The following OTOGL variants were observed in gnomAD, a reference collection of about 807,000 sequenced individuals.
The protein encoded by OTOGL is otogelin-like protein.
OTOGL carries 285 observed loss-of-function variants against 318.5 expected under a neutral mutation model. That is an observed-to-expected ratio of 0.89 (90% CI 0.81 to 0.99). The LOEUF is 0.99. Among genes scored for constraint, OTOGL ranks in the 50% least tolerant of loss-of-function variants. OTOGL has a pLI of 0.00. For synonymous variants in OTOGL, 987 were observed against 936.5 expected (o/e 1.05, Z -0.99); for missense variants, 2,899 against 2,845.6 (o/e 1.02, Z -0.43).
rs1280421747 is a variant in OTOGL at position 80,307,858 on chromosome 12, G to A, written c.3333+2163G>A. Among the ~76,000 whole-genome samples the A allele has an allele frequency of 1.4e-4, 20 of 140,248 alleles. 1 individual carries two copies. The highest frequency in any genetic ancestry group is 5.1e-4 in the African/African-American group (17 of 33,650). The allele number at this position is 140,248 out of a possible 152,430, so 92.0% of individuals were successfully genotyped here. ...CACCTCCCGGACAGGGCGGCTGGCC[G>A]GGCGGGGGGCTGACCCCCCCACCTC... On this transcript the variant is annotated intron_variant, in intron 29 of 58. Coordinates refer to ENST00000547103, the MANE Select transcript of OTOGL (RefSeq NM_001378609.3).
intron 1 of OTOGL, among the ~76,000 whole-genome samples, chr12:80,110,067 CTTTTT>C (rs35589524): frequency 1.9e-5 from 2 of 103,758 alleles, no homozygotes; most frequent in Non-Finnish European, 1.9e-5. Flanking sequence ...TTCTTTCTTT[CTTTTT>C]TTTTTTTTTT....
chr12:80,258,454 T>A (rs1882253231), intron 18 of OTOGL, among the ~76,000 whole-genome samples: 1 of 152,160 alleles, frequency 6.6e-6, no homozygotes. Flanking sequence ...TATCATTTGG[T>A]ATTATTAATA....
chr12:80,324,895 T>C (rs1279740693), intron 35 of OTOGL, among the ~76,000 whole-genome samples: 4 of 152,204 alleles, frequency 2.6e-5, no homozygotes, highest in African/African-American at 4.8e-5. Flanking sequence ...ATAAGGAAGA[T>C]GTTAGAAGAA....
At chr12:80,370,776 G>C in intron 56 of OTOGL, 87 bp downstream of exon 56, 1 of 1,014,672 alleles carries the variant, frequency 9.9e-7, no homozygotes, top group Non-Finnish European at 1.4e-6. Flanking sequence ...TACTTTCATT[G>C]TGGCTTATAC....
chr12:80,228,722 CT>C (rs913180892), intron 7 of OTOGL, among the ~76,000 whole-genome samples: 16 of 150,812 alleles, frequency 1.1e-4, no homozygotes, highest in African/African-American at 2.2e-4. Flanking sequence ...TCCTTTCATT[CT>C]TTTTTTTTAA....
At chr12:80,275,711 G>T (rs1366784444) in intron 24 of OTOGL, among the ~76,000 whole-genome samples, 6 of 151,722 alleles carry the variant, frequency 4.0e-5, no homozygotes, top group Non-Finnish European at 5.9e-5. Context: ...CTTATTTCAA[G>T]AAATTGCCAC....
Position 80,342,160 on chromosome 12 carries a change from A to G in OTOGL, c.5263A>G (p.Lys1755Glu), listed in dbSNP as rs1159626188. Residue 1755 changes from lysine to glutamate, a missense_variant and splice_region_variant, in exon 44 of 59, where the codon AAA becomes GAA. By Grantham distance (56) the Lys-to-Glu change is moderately conservative. This residue lies in a region of OTOGL where 2,607 missense variants were observed against 2,524.9 expected (regional missense o/e 1.03). Coordinates refer to ENST00000547103, the MANE Select transcript of OTOGL (RefSeq NM_001378609.3). ...AAGAATTTTCATTCCATGTCATGAT[A>G]AAGTAAGTTGGAAGCAACCATAAAT... The part of the protein sequence containing the change: ...NRRIFIPCHD[K>E]VSPEDFCEKM... The G allele has an allele frequency of 3.8e-6, 6 of 1,563,162 alleles. No individual in the cohort carries two copies. Among genetic ancestry groups the G allele is most frequent in the Non-Finnish European group, 5.2e-6 (6 of 1,150,182 alleles).
chr12:80,174,077 A>T (rs545717247), intron 1 of OTOGL, among the ~76,000 whole-genome samples: 1 of 152,214 alleles, frequency 6.6e-6, no homozygotes, highest in Admixed American at 6.5e-5. Context: ...TCCCAAGTAA[A>T]CAAATTAGAA....
Position 80,377,906 on chromosome 12 carries a change from T to C in OTOGL, c.6920T>C (p.Ile2307Thr), listed in dbSNP as rs1457100230. ...TCAGCTACCATATATAACATCAATATTGAAAGTCACCTAAGATTCTGCAAG... is the reference window on the plus strand; with the variant it reads ...TCAGCTACCATATATAACATCAATACTGAAAGTCACCTAAGATTCTGCAAG... ...CPSATIYNIN[I>T]ESHLRFCKCC... Residue 2307 changes from isoleucine (I) to threonine (T), a missense_variant, in exon 59 of 59, where the codon ATT becomes ACT. Transcript: ENST00000547103. 1.2e-6 allele frequency: 2 copies of C among 1,611,494 alleles called. No individual in the cohort carries two copies. Among genetic ancestry groups the C allele is most frequent in the Non-Finnish European group, 1.7e-6 (2 of 1,178,534 alleles).
chr12:80,257,081 A>C (rs140834988), intron 17 of OTOGL, among the ~76,000 whole-genome samples: 76 of 152,236 alleles, frequency 5.0e-4, no homozygotes, highest in African/African-American at 1.7e-3. Flanking sequence ...GGTCCTGTTC[A>C]TGCCTGCATT....
intron 27 of OTOGL, among the ~76,000 whole-genome samples, chr12:80,297,236 T>A (rs1885465721): frequency 6.6e-6 from 1 of 152,136 alleles, no homozygotes; most frequent in Non-Finnish European, 1.5e-5. Context: ...ATTACTTCAG[T>A]GGCTTCCAGG....
intron 57 of OTOGL, among the ~76,000 whole-genome samples, chr12:80,373,183 C>A (rs1055822457): frequency 6.6e-6 from 1 of 152,078 alleles, no homozygotes; most frequent in Non-Finnish European, 1.5e-5. Context: ...GCTGTAATCA[C>A]AGCACTTTGG....
At chr12:80,137,056 A>T (rs1871622740) in intron 1 of OTOGL, among the ~76,000 whole-genome samples, 1 of 152,174 alleles carries the variant, frequency 6.6e-6, no homozygotes, top group African/African-American at 2.4e-5. Context: ...GATCGGTTTC[A>T]GAAACGAGAT....
intron 1 of OTOGL, among the ~76,000 whole-genome samples, chr12:80,147,656 G>A (rs1398661659): frequency 6.6e-6 from 1 of 152,040 alleles, no homozygotes; most frequent in African/African-American, 2.4e-5. Context: ...ACAGTGGGGT[G>A]TTAAAGTCTC....
At chr12:80,358,009 C>A (rs536570763) in intron 49 of OTOGL, among the ~76,000 whole-genome samples, 1 of 152,260 alleles carries the variant, frequency 6.6e-6, no homozygotes, top group Admixed American at 6.5e-5. Flanking sequence ...CCTAGGAAAT[C>A]TGAATGTTCT....
At position 80,187,565 on chromosome 12, in the gene OTOGL, C is replaced by G. The variant is rs187897217; in HGVS notation, c.-19-21848C>G. On this transcript the variant is annotated intron_variant, in intron 1 of 58. Transcript: ENST00000547103. Reference sequence around the variant, plus strand: ...TGTTAATTTTATAAAGTTATAACCACATCTTTATTACTAATCACATTGAAC... The same window carrying G: ...TGTTAATTTTATAAAGTTATAACCAGATCTTTATTACTAATCACATTGAAC... Among the ~76,000 whole-genome samples the G allele has an allele frequency of 3.1e-4, 47 of 152,288 alleles. 1 individual carries two copies. The highest frequency in any genetic ancestry group is 1.2e-3 in the Admixed American group (18 of 15,300).
rs766564988 is a variant in OTOGL at position 80,219,812 on chromosome 12, A to G, written c.236-2A>G. On this transcript the variant is annotated splice_acceptor_variant, in intron 5 of 58. Coordinates refer to ENST00000547103, the MANE Select transcript of OTOGL (RefSeq NM_001378609.3). LOFTEE classifies it high-confidence loss of function. ...TAACTTTTTTTTTTTTTTCCCCCTCAGGTTCTTGTCCTTATGAATGCCTTA... is the reference window on the plus strand; with the variant it reads ...TAACTTTTTTTTTTTTTTCCCCCTCGGGTTCTTGTCCTTATGAATGCCTTA... 1.2e-4 allele frequency: 178 copies of G among 1,541,898 alleles called. No individual in the cohort carries two copies. The Middle Eastern group carries it at 1.2e-3, about 10-fold the overall frequency.
At chr12:80,163,941 G>A (rs1873683455) in intron 1 of OTOGL, among the ~76,000 whole-genome samples, 1 of 152,100 alleles carries the variant, frequency 6.6e-6, no homozygotes, top group African/African-American at 2.4e-5. Context: ...ACATGACAAA[G>A]GCCACAGATA....
chr12:80,339,296 CTGTT>C, intron 43 of OTOGL, 32 bp downstream of exon 43: 111 of 434,088 alleles, frequency 2.6e-4, no homozygotes, highest in Middle Eastern at 7.0e-4. Context: ...TTGATTTCGT[CTGTT>C]TTTTTTTTTT....
Sources: allele counts gnomAD v4.1 joint callset (sites outside exome capture counted in the v4.1 genomes callset), GRCh38; gene constraint gnomAD v4.1.1; regional missense constraint gnomAD v4.1.1; transcripts MANE v1.5; gene names NCBI Gene and HGNC (gene_info 2026-07-23, HGNC 2026-07-21).